Variants in CRPPA observed in about 807,000 individuals in gnomAD.
CRPPA encodes the protein CDP-L-ribitol pyrophosphorylase A, also known as D-ribitol-5-phosphate cytidylyltransferase.
CRPPA carries 43 observed loss-of-function variants against 52.0 expected under a neutral mutation model. The ratio of observed to expected loss-of-function variants is 0.83; its 90% CI spans 0.65 to 1.07. The LOEUF (loss-of-function observed/expected upper bound fraction) is 1.07. Ranked by LOEUF, CRPPA falls within the 50% of genes least tolerant of loss-of-function variation. CRPPA has a pLI of 0.00. For synonymous variants in CRPPA, 250 were observed against 203.5 expected, an observed-to-expected ratio of 1.23 and a Z score of -1.94; for missense variants, 629 against 551.7, an observed-to-expected ratio of 1.14 and a Z score of -1.40.
chr7:16,398,365 A>ATG (rs1445276435), intron 2 of CRPPA, among the ~76,000 whole-genome samples: 1 of 135,144 alleles, frequency 7.4e-6, no homozygotes, highest in Non-Finnish European at 1.6e-5. Context: ...TGACAGAGGC[A>ATG]AGACCAGGGC....
chr7:16,246,545 T>TTTC (rs1783280617), intron 8 of CRPPA, among the ~76,000 whole-genome samples: 1 of 152,196 alleles, frequency 6.6e-6, no homozygotes, highest in Admixed American at 6.5e-5. Context: ...AGTGATAGCC[T>TTTC]TACACAAGGT....
intron 9 of CRPPA, among the ~76,000 whole-genome samples, chr7:16,106,940 A>C (rs1782164381): frequency 6.6e-6 from 1 of 152,164 alleles, no homozygotes. Flanking sequence ...TAATTTTTAA[A>C]AATTAGATAA....
intron 4 of CRPPA, among the ~76,000 whole-genome samples, chr7:16,304,395 T>C (rs912332736): frequency 6.6e-6 from 1 of 152,150 alleles, no homozygotes; most frequent in Non-Finnish European, 1.5e-5. Flanking sequence ...GCCAGAATGT[T>C]TACCTTTTAC....
chr7:16,366,557 A>C (rs888546660), intron 3 of CRPPA, among the ~76,000 whole-genome samples: 1 of 152,190 alleles, frequency 6.6e-6, no homozygotes, highest in African/African-American at 2.4e-5. Context: ...ACTGCCATAC[A>C]TATGAACTGA....
chr7:16,282,123 A>G (rs1327678298), intron 5 of CRPPA, among the ~76,000 whole-genome samples: 7 of 151,986 alleles, frequency 4.6e-5, no homozygotes, highest in Non-Finnish European at 8.8e-5. Context: ...TCTTTTTAAA[A>G]ATGTTTAAGT....
At chr7:16,412,617 T>C (rs974942239) in intron 1 of CRPPA, among the ~76,000 whole-genome samples, 6 of 152,196 alleles carry the variant, frequency 3.9e-5, no homozygotes, top group African/African-American at 1.4e-4. Context: ...AAGTCTTTTA[T>C]AGTATTAAAA....
intron 9 of CRPPA, among the ~76,000 whole-genome samples, chr7:16,199,647 C>T (rs1052746609): frequency 8.0e-6 from 1 of 124,602 alleles, no homozygotes; most frequent in African/African-American, 2.9e-5. Context: ...TGCATATGCT[C>T]AAACCATAAG....
At chr7:16,094,855 A>G (rs2128362010) in intron 9 of CRPPA, among the ~76,000 whole-genome samples, 1 of 152,260 alleles carries the variant, frequency 6.6e-6, no homozygotes, top group East Asian at 1.9e-4. Flanking sequence ...AAAACTGTAC[A>G]GGTCATCAAA....
At chr7:16,223,573 C>T (rs1782575585) in intron 8 of CRPPA, among the ~76,000 whole-genome samples, 2 of 152,094 alleles carry the variant, frequency 1.3e-5, no homozygotes, top group Admixed American at 6.5e-5. Flanking sequence ...CTTCCTAATA[C>T]CATGAAACTT....
intron 9 of CRPPA, among the ~76,000 whole-genome samples, chr7:16,138,174 A>T (rs979961150): frequency 1.3e-5 from 2 of 152,198 alleles, no homozygotes; most frequent in Non-Finnish European, 2.9e-5. Flanking sequence ...AGCTAAAGAT[A>T]TTTATGTGAA....
intron 9 of CRPPA, among the ~76,000 whole-genome samples, chr7:16,137,669 C>T (rs895189061): frequency 2.0e-5 from 3 of 152,074 alleles, no homozygotes; most frequent in African/African-American, 4.8e-5. Context: ...CCCAACAAGA[C>T]GTTTAACTTT....
At chr7:16,406,597 T>C (rs1287497875) in intron 1 of CRPPA, among the ~76,000 whole-genome samples, 1 of 152,250 alleles carries the variant, frequency 6.6e-6, no homozygotes, top group Non-Finnish European at 1.5e-5. Flanking sequence ...GTACATAGTA[T>C]ATAGTACTAC....
intron 9 of CRPPA, among the ~76,000 whole-genome samples, chr7:16,116,375 G>C (rs1220441868): frequency 6.6e-6 from 1 of 152,086 alleles, no homozygotes; most frequent in East Asian, 1.9e-4. Flanking sequence ...GACAAAGAAA[G>C]AATGAGTGGT....
intron 5 of CRPPA, among the ~76,000 whole-genome samples, chr7:16,299,982 G>A (rs1196047327): frequency 6.6e-6 from 1 of 152,114 alleles, no homozygotes; most frequent in East Asian, 1.9e-4. Context: ...AAACCAAACT[G>A]AGTTTTATAT....
chr7:16,157,055 A>G (rs894321072), intron 9 of CRPPA, among the ~76,000 whole-genome samples: 6 of 152,220 alleles, frequency 3.9e-5, no homozygotes, highest in African/African-American at 1.4e-4. Context: ...GGCCTGAAGA[A>G]AGCCCTTAAC....
intron 9 of CRPPA, among the ~76,000 whole-genome samples, chr7:16,210,852 A>C (rs891444666): frequency 3.3e-5 from 5 of 152,308 alleles, no homozygotes; most frequent in African/African-American, 1.2e-4. Context: ...CAGAAAAAAA[A>C]AAAAGGAAAG....
intron 3 of CRPPA, among the ~76,000 whole-genome samples, chr7:16,357,059 TTC>T (rs1786314102): frequency 6.6e-6 from 1 of 152,210 alleles, no homozygotes; most frequent in African/African-American, 2.4e-5. Context: ...GTATCTGTTT[TTC>T]TCTTTCCATC....
chr7:16,145,844 C>A (rs1347055797), intron 9 of CRPPA, among the ~76,000 whole-genome samples: 1 of 151,938 alleles, frequency 6.6e-6, no homozygotes, highest in Non-Finnish European at 1.5e-5. Flanking sequence ...AATTAAGCAG[C>A]ATATTCATTA....
intron 8 of CRPPA, among the ~76,000 whole-genome samples, chr7:16,217,080 G>C (rs1342114213): frequency 6.7e-6 from 1 of 150,138 alleles, no homozygotes. Flanking sequence ...CTCCCAGCAC[G>C]CAGCTGGAGA....
Sources: allele counts gnomAD v4.1 joint callset (sites outside exome capture counted in the v4.1 genomes callset), GRCh38; gene constraint gnomAD v4.1.1; transcripts MANE v1.5; gene names NCBI Gene and HGNC (gene_info 2026-07-23, HGNC 2026-07-21).